SLC14A1: variants seen among roughly 807,000 people sequenced by gnomAD.
SLC14A1 encodes the protein solute carrier family 14 member 1 (Kidd blood group).
A neutral mutation model predicts 39.6 loss-of-function variants in SLC14A1; 36 were observed. That is an observed-to-expected ratio of 0.91 (90% CI 0.70 to 1.20). The LOEUF (loss-of-function observed/expected upper bound fraction) is 1.20, where lower values mean the gene tolerates loss of function less well. Ranked by LOEUF, SLC14A1 falls within the 50% of genes most tolerant of loss-of-function variation. The pLI is 0.00. For synonymous variants in SLC14A1, 164 were observed against 173.6 expected, an observed-to-expected ratio of 0.94 and a Z score of 0.43; for missense variants, 469 against 478.7, an observed-to-expected ratio of 0.98 and a Z score of 0.19.
At chr18:45,730,884 G>GA in intron 3 of SLC14A1, 131 bp from the exon 4 acceptor site, 3 of 833,154 alleles carry the variant, frequency 3.6e-6, no homozygotes, top group Non-Finnish European at 4.0e-6. Context: ...TGGGTTGAGA[G>GA]AGAAATATTA....
chr18:45,730,893 T>G (rs2047009541), intron 3 of SLC14A1, 122 bp from the exon 4 acceptor site: 6 of 874,752 alleles, frequency 6.9e-6, no homozygotes, highest in Non-Finnish European at 9.5e-6. Flanking sequence ...AGAGAAATAT[T>G]AAAGAAATAT....
rs1001891275 is a variant in SLC14A1 at position 45,750,878 on chromosome 18, A to G, written c.*927A>G. 1 of 985,242 alleles carries G rather than the reference A, an allele frequency of 1.0e-6. No homozygotes were observed. 61.0% of individuals were successfully genotyped at this position (985,242 alleles called of 1,614,324 possible). A position where few individuals can be genotyped will look rare whatever the true frequency, so the allele number is the denominator to read the frequency against. The stretch of plus-strand genomic sequence containing the variant: ...AACCTCCAAAGGGCTCTTTAAAATC[A>G]TATTTTTTATTCATTTGAGGATGTC... On this transcript the variant is annotated 3_prime_UTR_variant, in exon 10 of 10. Coordinates refer to ENST00000321925, the MANE Select transcript of SLC14A1 (RefSeq NM_015865.7).
chr18:45,736,962 T>G (rs2047216698), intron 6 of SLC14A1, among the ~76,000 whole-genome samples: 1 of 152,050 alleles, frequency 6.6e-6, no homozygotes, highest in Non-Finnish European at 1.5e-5. Context: ...GAGCCAGCCC[T>G]TAAGGCATGT....
At chr18:45,737,382 G>A (rs1185940187) in intron 6 of SLC14A1, 1 of 152,474 alleles carries the variant, frequency 6.6e-6, no homozygotes, top group African/African-American at 2.4e-5. Flanking sequence ...CTTCCTGTTG[G>A]TGTGTAATAA....
chr18:45,750,809 C>T lies in SLC14A1; in HGVS notation c.*858C>T. The T allele has an allele frequency of 1.0e-6, 1 of 984,958 alleles. No individual in the cohort carries two copies. Among genetic ancestry groups the T allele is most frequent in the Non-Finnish European group, 1.2e-6 (1 of 829,552 alleles). The allele number at this position is 984,958 out of a possible 1,614,324, so 61.0% of individuals were successfully genotyped here. A position where few individuals can be genotyped will look rare whatever the true frequency, so the allele number is the denominator to read the frequency against. ...AGCTTAGGCATTTTTACTTTAACCC[C>T]TAAATTGATTTTGTAAATGCCACAA... On this transcript the variant is annotated 3_prime_UTR_variant, in exon 10 of 10. Transcript: ENST00000321925.
intron 6 of SLC14A1, 110 bp downstream of exon 6, chr18:45,736,758 G>C (rs2047209594): frequency 1.1e-6 from 1 of 915,188 alleles, no homozygotes; most frequent in African/African-American, 1.6e-5. Context: ...GGACTATGGT[G>C]GCCTTTCTGC....
intron 9 of SLC14A1, among the ~76,000 whole-genome samples, chr18:45,749,113 G>A (rs534948326): frequency 6.6e-6 from 1 of 151,082 alleles, no homozygotes; most frequent in Non-Finnish European, 1.5e-5. Context: ...TTCTGATAGA[G>A]TAGGTCTTGT....
chr18:45,744,048 T>C (rs1321482989), intron 8 of SLC14A1, among the ~76,000 whole-genome samples: 2 of 151,646 alleles, frequency 1.3e-5, no homozygotes, highest in Non-Finnish European at 2.9e-5. Context: ...AGTCTCACTC[T>C]GTTCCCCAGG....
chr18:45,730,648 G>C (rs554079387), intron 3 of SLC14A1, among the ~76,000 whole-genome samples, 177 bp downstream of exon 3: 1 of 151,436 alleles, frequency 6.6e-6, no homozygotes, highest in East Asian at 1.9e-4. Context: ...TTTTCTTATG[G>C]AGACAGTAGC....
At chr18:45,730,206 G>A in intron 2 of SLC14A1, 94 bp from the exon 3 acceptor site, 2 of 1,316,144 alleles carry the variant, frequency 1.5e-6, no homozygotes, top group South Asian at 3.0e-5. Context: ...ATGGAACATA[G>A]TGGTCCAGAT....
Position 45,736,579 on chromosome 18 carries a change from T to C in SLC14A1, c.594T>C (p.Phe198=). 6.2e-7 allele frequency: 1 copy of C among 1,614,204 alleles called. No individual in the cohort carries two copies. The highest frequency in any genetic ancestry group is 1.1e-5 in the South Asian group (1 of 91,084). Residue 198 remains phenylalanine, a synonymous_variant, in exon 6 of 10, where the codon TTT becomes TTC. Transcript: ENST00000321925. ...CCACAGGACATTACAATCCATTCTT[T>C]CCAGCCAAACTGGTCATACCTATAA... ...LSATGHYNPF[F]PAKLVIPITT...
At chr18:45,737,262 A>C (rs1177383137) in intron 6 of SLC14A1, among the ~76,000 whole-genome samples, 2 of 152,220 alleles carry the variant, frequency 1.3e-5, no homozygotes, top group Non-Finnish European at 2.9e-5. Context: ...TGCGGGCCAG[A>C]GTTTGAGAAC....
At chr18:45,736,715 T>C in intron 6 of SLC14A1, 67 bp downstream of exon 6, 2 of 1,355,696 alleles carry the variant, frequency 1.5e-6, no homozygotes, top group Non-Finnish European at 2.1e-6. Flanking sequence ...CCTGGTCAAC[T>C]GTCCACGGGT....
intron 5 of SLC14A1, among the ~76,000 whole-genome samples, chr18:45,735,349 G>C (rs554430013): frequency 1.3e-5 from 2 of 152,330 alleles, no homozygotes; most frequent in African/African-American, 4.8e-5. Context: ...GAGAATTTGC[G>C]TTTCTAACGC....
In SLC14A1 at chr18:45,748,366, T is replaced by C; in HGVS notation, c.947-10T>C. On this transcript the variant is annotated splice_polypyrimidine_tract_variant and intron_variant, in intron 8 of 9. Coordinates refer to ENST00000321925, the MANE Select transcript of SLC14A1 (RefSeq NM_015865.7). ...AAGCATTGTTCTTTCCCTCCTTTTTTTTTCTGTAGCCCTGTTCACGGCCTA... is the reference window on the plus strand; with the variant it reads ...AAGCATTGTTCTTTCCCTCCTTTTTCTTTCTGTAGCCCTGTTCACGGCCTA... 2 of 1,614,150 alleles carry C rather than the reference T, an allele frequency of 1.2e-6. No individual in the cohort carries two copies. The highest frequency in any genetic ancestry group is 1.7e-6 in the Non-Finnish European group (2 of 1,179,982).
At chr18:45,737,630 A>G (rs1390040006) in intron 6 of SLC14A1, 1 of 152,258 alleles carries the variant, frequency 6.6e-6, no homozygotes, top group African/African-American at 2.4e-5. Flanking sequence ...TCAAAGATTC[A>G]TTAGAACTAC....
intron 5 of SLC14A1, 76 bp from the exon 6 acceptor site, chr18:45,736,380 C>T: frequency 7.0e-7 from 1 of 1,435,686 alleles, no homozygotes; most frequent in Non-Finnish European, 9.8e-7. Flanking sequence ...GAAACAAAGC[C>T]CCTCCAGAGT....
chr18:45,743,133 T>A (rs1009031488), intron 8 of SLC14A1, among the ~76,000 whole-genome samples: 2 of 152,372 alleles, frequency 1.3e-5, no homozygotes, highest in East Asian at 3.9e-4. Context: ...GTAATCTGTA[T>A]AGAAATGTAT....
chr18:45,738,235 CAGA>C (rs1233531353), intron 6 of SLC14A1, among the ~76,000 whole-genome samples: 1 of 152,228 alleles, frequency 6.6e-6, no homozygotes, highest in East Asian at 1.9e-4. Flanking sequence ...TCACTGCCTC[CAGA>C]AGGTCTTTGG....
Sources: allele counts gnomAD v4.1 joint callset (sites outside exome capture counted in the v4.1 genomes callset), GRCh38; gene constraint gnomAD v4.1.1; transcripts MANE v1.5; gene names NCBI Gene and HGNC (gene_info 2026-07-23, HGNC 2026-07-21).